The following RORA variants were observed in gnomAD, a reference collection of about 807,000 sequenced individuals.
RORA encodes the protein nuclear receptor ROR-alpha.
RORA carries 7 observed loss-of-function variants against 69.5 expected under a neutral mutation model. The ratio of observed to expected loss-of-function variants is 0.10; its 90% CI spans 0.06 to 0.19. RORA has a LOEUF of 0.19. Ranked by LOEUF, RORA falls within the 10% of genes least tolerant of loss-of-function variation. The pLI, the probability that RORA is intolerant of heterozygous loss-of-function variation, is 1.00. For synonymous variants in RORA, 261 were observed against 240.8 expected (o/e 1.08, Z -0.78); for missense variants, 457 against 663.0 (o/e 0.69, Z 3.41).
At chr15:60,814,334 GA>G (rs1244787165) in intron 1 of RORA, among the ~76,000 whole-genome samples, 1 of 152,178 alleles carries the variant, frequency 6.6e-6, no homozygotes, top group Non-Finnish European at 1.5e-5. Context: ...ATATGCTAAG[GA>G]TGCTGATTTT....
intron 2 of RORA, among the ~76,000 whole-genome samples, chr15:60,587,032 C>T (rs946578045): frequency 2.0e-5 from 3 of 152,176 alleles, no homozygotes; most frequent in South Asian, 2.1e-4. Flanking sequence ...TTATACTACA[C>T]AAAGTCATAT....
chr15:60,602,941 C>A (rs2068853163), intron 2 of RORA, among the ~76,000 whole-genome samples: 1 of 152,170 alleles, frequency 6.6e-6, no homozygotes, highest in Non-Finnish European at 1.5e-5. Flanking sequence ...TATAGCCAAC[C>A]CTCCACCCCA....
At chr15:60,768,544 AT>A (rs2072023345) in intron 1 of RORA, among the ~76,000 whole-genome samples, 1 of 152,186 alleles carries the variant, frequency 6.6e-6, no homozygotes, top group Non-Finnish European at 1.5e-5. Flanking sequence ...CTCCCATACT[AT>A]TTTTGAAAGC....
At chr15:61,227,257 AGT>A (rs1035248220) in intron 1 of RORA, among the ~76,000 whole-genome samples, 25 of 148,816 alleles carry the variant, frequency 1.7e-4, no homozygotes, top group African/African-American at 6.2e-4. Flanking sequence ...GATTTTCTCC[AGT>A]GTTTCTGATT....
At chr15:60,867,115 C>G (rs998974927) in intron 1 of RORA, among the ~76,000 whole-genome samples, 1 of 152,160 alleles carries the variant, frequency 6.6e-6, no homozygotes, top group African/African-American at 2.4e-5. Context: ...ATCTGCCTGC[C>G]TAGACCTCCC....
intron 1 of RORA, among the ~76,000 whole-genome samples, chr15:60,804,035 A>G (rs917082793): frequency 1.3e-5 from 2 of 152,120 alleles, no homozygotes; most frequent in Non-Finnish European, 2.9e-5. Context: ...CATGCCTGTA[A>G]TCCCAACACT....
chr15:60,504,837 G>C (rs886245457), intron 6 of RORA, among the ~76,000 whole-genome samples: 15 of 152,120 alleles, frequency 9.9e-5, no homozygotes, highest in African/African-American at 3.1e-4. Context: ...CTTAGTTTCA[G>C]ACTGTTCCCA....
At position 60,979,317 on chromosome 15, in the gene RORA, T is replaced by A. The variant is rs141532360; in HGVS notation, c.166+249736A>T. Among the ~76,000 whole-genome samples, 810 of 140,024 alleles carry A rather than the reference T, an allele frequency of 5.8e-3. 14 individuals are homozygous for A. The highest frequency in any genetic ancestry group is 0.02 in the African/African-American group (759 of 37,946). The allele number at this position is 140,024 out of a possible 152,430, so 91.9% of individuals were successfully genotyped here. On this transcript the variant is annotated intron_variant, in intron 1 of 10. Coordinates refer to ENST00000335670, the MANE Select transcript of RORA (RefSeq NM_134261.3). ...CCAAGAATATTTTGGCTATCCAATG[T>A]CCCTTTCATTTTCATTTGAATTTTA...
At chr15:60,557,061 T>G (rs2067385939) in intron 2 of RORA, 4 of 666,378 alleles carry the variant, frequency 6.0e-6, no homozygotes, top group Non-Finnish European at 1.0e-5. Flanking sequence ...GGTAGCCAAC[T>G]CCCACTGTCT....
At chr15:60,553,644 A>G (rs1408063492) in intron 2 of RORA, among the ~76,000 whole-genome samples, 6 of 152,100 alleles carry the variant, frequency 3.9e-5, no homozygotes, top group Admixed American at 2.0e-4. Context: ...TCTCTACCCT[A>G]CCCCTATCTG....
intron 1 of RORA, among the ~76,000 whole-genome samples, chr15:61,163,625 G>A (rs2079516179): frequency 6.6e-6 from 1 of 152,180 alleles, no homozygotes; most frequent in Non-Finnish European, 1.5e-5. Context: ...TGCCAAGCAG[G>A]GCACACAGGT....
intron 2 of RORA, among the ~76,000 whole-genome samples, chr15:60,667,923 CAA>C (rs1567148078): frequency 6.6e-6 from 1 of 152,032 alleles, no homozygotes; most frequent in African/African-American, 2.4e-5. Flanking sequence ...GCACCCAGCC[CAA>C]AGAGTATGAT....
chr15:60,577,940 A>G (rs1163572077), intron 2 of RORA, among the ~76,000 whole-genome samples: 3 of 152,214 alleles, frequency 2.0e-5, no homozygotes, highest in Admixed American at 2.0e-4. Flanking sequence ...CTGTTGTGTT[A>G]TGCTCTTATG....
chr15:61,056,005 C>T (rs873961), intron 1 of RORA, among the ~76,000 whole-genome samples: 52,257 of 152,014 alleles, frequency 0.34, 9,044 homozygotes, highest in Middle Eastern at 0.38. Flanking sequence ...TGTTTACAAG[C>T]AATAAACAAC....
chr15:60,672,621 G>T (rs897653092), intron 2 of RORA, among the ~76,000 whole-genome samples: 3 of 152,188 alleles, frequency 2.0e-5, no homozygotes, highest in African/African-American at 7.2e-5. Flanking sequence ...TTGACTCCAG[G>T]CTTTGCCCAG....
chr15:61,093,874 T>C (rs762171081), intron 1 of RORA, among the ~76,000 whole-genome samples: 4 of 152,166 alleles, frequency 2.6e-5, no homozygotes, highest in Admixed American at 2.0e-4. Flanking sequence ...GGCAGGCACA[T>C]ACTGAACGAA....
intron 1 of RORA, among the ~76,000 whole-genome samples, chr15:60,970,161 G>A (rs1234326096): frequency 6.6e-6 from 1 of 152,174 alleles, no homozygotes; most frequent in Admixed American, 6.5e-5. Context: ...CTCCAGAACT[G>A]TAAGAAATAA....
intron 1 of RORA, among the ~76,000 whole-genome samples, chr15:60,842,554 A>G (rs2073213079): frequency 6.6e-6 from 1 of 152,182 alleles, no homozygotes; most frequent in African/African-American, 2.4e-5. Context: ...GTAGAGATGA[A>G]GCAGCTTCAG....
chr15:61,172,300 C>T (rs975064455), intron 1 of RORA, among the ~76,000 whole-genome samples: 2 of 152,210 alleles, frequency 1.3e-5, no homozygotes, highest in African/African-American at 4.8e-5. Context: ...ATAAATACCA[C>T]GTATTTCATT....
Sources: gnomAD v4.1 joint callset for allele counts (sites outside exome capture counted in the v4.1 genomes callset) on GRCh38, gnomAD v4.1.1 for gene constraint, MANE v1.5 for transcripts, NCBI Gene and HGNC (gene_info 2026-07-23, HGNC 2026-07-21) for gene names.